TANGO6: variants seen among roughly 807,000 people sequenced by gnomAD.
The protein encoded by TANGO6 is transport and Golgi organization protein 6 homolog.
TANGO6 carries 90 observed loss-of-function variants against 114.2 expected under a neutral mutation model. That is an observed-to-expected ratio of 0.79 (90% CI 0.66 to 0.94). TANGO6 has a LOEUF of 0.94. Among genes scored for constraint, TANGO6 ranks in the 40% least tolerant of loss-of-function variants. The pLI, the probability that TANGO6 is intolerant of heterozygous loss-of-function variation, is 0.00. For missense variants in TANGO6, 1,274 were observed against 1,315.3 expected (o/e 0.97, Z 0.49); for synonymous variants, 477 against 509.8 (o/e 0.94, Z 0.87).
chr16:68,866,571 C>G lies in TANGO6; in HGVS notation c.853-508C>G, dbSNP rs542110271. Among the ~76,000 whole-genome samples, 500 of 148,704 alleles carry G rather than the reference C, an allele frequency of 3.4e-3. 4 individuals are homozygous for G. The highest frequency in any genetic ancestry group is 0.012 in the African/African-American group (477 of 40,298). On this transcript the variant is annotated intron_variant, in intron 3 of 17. Transcript: ENST00000261778. Reference sequence around the variant, plus strand: ...CCGGGAAGCGGAGCTTGCAGTGAGCCGAGATTGCGCCACTGCAGTCCGCAG... The same window carrying G: ...CCGGGAAGCGGAGCTTGCAGTGAGCGGAGATTGCGCCACTGCAGTCCGCAG...
chr16:69,067,552 G>A (rs868503783), intron 17 of TANGO6, among the ~76,000 whole-genome samples: 1 of 144,152 alleles, frequency 6.9e-6, no homozygotes, highest in Non-Finnish European at 1.5e-5. Flanking sequence ...GGGCGCCGTG[G>A]CACACGCCTA....
chr16:68,998,762 A>G (rs138335072), intron 15 of TANGO6, among the ~76,000 whole-genome samples: 73 of 152,204 alleles, frequency 4.8e-4, no homozygotes, highest in African/African-American at 1.6e-3. Context: ...TGTTTGCAAA[A>G]TAAGTTTTAG....
In TANGO6 at chr16:68,909,358, C is replaced by T; in HGVS notation, c.1948C>T (p.Leu650=). ...KLLVLQLMAV[L]CERMSEQIFT... is the part of the protein sequence containing the mutation. ...GCTTGTCCTGCAGCTGATGGCTGTT[C>T]TGTGCGAGAGAATGTCTGAGCAGAT... The change falls in exon 11 of 18, where the codon CTG becomes TTG. Residue 650 remains leucine, a synonymous_variant. Transcript: ENST00000261778. The T allele has an allele frequency of 1.2e-6, 2 of 1,600,756 alleles. No homozygotes were observed.
At chr16:69,076,512 G>A (rs1203164802) in intron 17 of TANGO6, among the ~76,000 whole-genome samples, 1 of 152,176 alleles carries the variant, frequency 6.6e-6, no homozygotes, top group Non-Finnish European at 1.5e-5. Context: ...CAGTGTAAAT[G>A]ACTGGCTAAA....
chr16:68,926,847 T>C lies in TANGO6; in HGVS notation c.2128-721T>C, dbSNP rs554083541. On this transcript the variant is annotated intron_variant, in intron 12 of 17. Transcript: ENST00000261778. ...ACAGAAAAGTATTACCATTGATTCT[T>C]ACTTTTCATTGATCACACATACACC... 4 of 152,342 alleles carry C rather than the reference T, an allele frequency of 2.6e-5. No individual in the cohort carries two copies. In the South Asian group the frequency reaches 8.3e-4, roughly 32 times the overall value. The allele number at this position is 152,342 out of a possible 1,614,324, so 9.4% of individuals were successfully genotyped here.
intron 15 of TANGO6, among the ~76,000 whole-genome samples, chr16:68,977,391 G>GT (rs1963775062): frequency 2.8e-5 from 4 of 144,350 alleles, no homozygotes; most frequent in Admixed American, 6.9e-5. Flanking sequence ...AATTTTTTTT[G>GT]TTTTTTTGAG....
At chr16:68,879,380 A>G (rs1962421934) in intron 6 of TANGO6, among the ~76,000 whole-genome samples, 1 of 151,012 alleles carries the variant, frequency 6.6e-6, no homozygotes, top group African/African-American at 2.4e-5. Flanking sequence ...CTGCTCGGGA[A>G]GCTGAGGTGG....
chr16:69,078,579 C>T (rs1960422033), intron 17 of TANGO6, among the ~76,000 whole-genome samples: 1 of 152,114 alleles, frequency 6.6e-6, no homozygotes, highest in African/African-American at 2.4e-5. Flanking sequence ...TTACCATGTT[C>T]TATTCTGTAT....
chr16:68,928,535 C>G (rs1963200633), intron 13 of TANGO6, among the ~76,000 whole-genome samples: 1 of 151,942 alleles, frequency 6.6e-6, no homozygotes, highest in Admixed American at 6.6e-5. Context: ...CTCCTGACCT[C>G]GTGATCCACC....
chr16:68,919,116 G>C lies in TANGO6; in HGVS notation c.2024G>C (p.Arg675Thr), dbSNP rs753740580. 3 of 1,613,260 alleles carry C rather than the reference G, an allele frequency of 1.9e-6. No individual in the cohort carries two copies. Among genetic ancestry groups the C allele is most frequent in the Non-Finnish European group, 2.5e-6 (3 of 1,179,694 alleles). Reference protein sequence around the residue: ...VVDFVAATLQRACASLAHQAE... With the variant: ...VVDFVAATLQTACASLAHQAE... Reference sequence around the variant, plus strand: ...GACTTTGTAGCAGCAACATTGCAGAGAGCCTGTGCAAGCCTGGCCCATCAG... The same window carrying C: ...GACTTTGTAGCAGCAACATTGCAGACAGCCTGTGCAAGCCTGGCCCATCAG... The change falls in exon 12 of 18, where the codon AGA becomes ACA. Residue 675 changes from arginine (R) to threonine (T), a missense_variant. Coordinates refer to ENST00000261778, the MANE Select transcript of TANGO6 (RefSeq NM_024562.2).
chr16:68,882,516 G>A (rs182724574), intron 7 of TANGO6, among the ~76,000 whole-genome samples: 16 of 151,382 alleles, frequency 1.1e-4, no homozygotes, highest in Admixed American at 8.6e-4. Flanking sequence ...AAAAGAAAAC[G>A]TGTTCATAGA....
chr16:68,878,954 T>C (rs1962413596), intron 6 of TANGO6, among the ~76,000 whole-genome samples: 2 of 152,044 alleles, frequency 1.3e-5, no homozygotes, highest in Non-Finnish European at 1.5e-5. Flanking sequence ...CAAGCACCTG[T>C]AGCCCCAGCT....
chr16:69,021,557 C>T (rs995229180), intron 15 of TANGO6, among the ~76,000 whole-genome samples: 6 of 152,164 alleles, frequency 3.9e-5, no homozygotes, highest in Non-Finnish European at 5.9e-5. Flanking sequence ...GAATCATGGT[C>T]TCTTGTTTCG....
intron 14 of TANGO6, among the ~76,000 whole-genome samples, chr16:68,956,784 C>G (rs1029750535): frequency 6.6e-6 from 1 of 151,904 alleles, no homozygotes; most frequent in African/African-American, 2.4e-5. Context: ...ACTCAGGAGG[C>G]AGAGGTTACA....
chr16:68,846,502 C>CT (rs111404781), intron 1 of TANGO6: 7,166 of 306,040 alleles, frequency 0.023, no homozygotes, highest in South Asian at 0.043. Context: ...ACGATTCTTT[C>CT]TTTTTTTTTT....
intron 15 of TANGO6, among the ~76,000 whole-genome samples, chr16:68,990,992 C>T (rs1164167268): frequency 6.6e-6 from 1 of 151,970 alleles, no homozygotes; most frequent in Non-Finnish European, 1.5e-5. Context: ...TGGTAGATCT[C>T]GAACAAAGGC....
chr16:68,957,115 TTAA>T (rs1963537742), intron 14 of TANGO6, among the ~76,000 whole-genome samples: 1 of 152,080 alleles, frequency 6.6e-6, no homozygotes, highest in African/African-American at 2.4e-5. Context: ...TTTAAATTTT[TTAA>T]TAATTAAAAA....
At chr16:68,931,109 G>C (rs1183226672) in intron 14 of TANGO6, among the ~76,000 whole-genome samples, 1 of 152,176 alleles carries the variant, frequency 6.6e-6, no homozygotes, top group African/African-American at 2.4e-5. Flanking sequence ...AGAGGATGTA[G>C]AGAATAAGGC....
intron 1 of TANGO6, chr16:68,846,498 CT>C: frequency 2.9e-6 from 1 of 347,640 alleles, no homozygotes; most frequent in Non-Finnish European, 5.5e-6. Flanking sequence ...TTATACGATT[CT>C]TTCTTTTTTT....
Sources: gnomAD v4.1 joint callset for allele counts (sites outside exome capture counted in the v4.1 genomes callset) on GRCh38, gnomAD v4.1.1 for gene constraint, MANE v1.5 for transcripts, NCBI Gene and HGNC (gene_info 2026-07-23, HGNC 2026-07-21) for gene names.